The following GLIS3 variants were observed in gnomAD, a reference collection of about 807,000 sequenced individuals.
The protein encoded by GLIS3 is zinc finger protein GLIS3.
Under a neutral mutation model 78.6 loss-of-function variants are expected in GLIS3, and 53 were observed. The observed-to-expected ratio is 0.67, with a 90% confidence interval of 0.54 to 0.85. The LOEUF is 0.85. Ranked by LOEUF, GLIS3 falls within the 40% of genes least tolerant of loss-of-function variation. GLIS3 has a pLI of 0.00. For missense variants in GLIS3, 1,703 were observed against 1,231.1 expected, an observed-to-expected ratio of 1.38 and a Z score of -5.74; for synonymous variants, 684 against 509.9, an observed-to-expected ratio of 1.34 and a Z score of -4.60.
At chr9:3,937,279 T>C in intron 4 of GLIS3, 90 bp from the exon 5 acceptor site, 1 of 1,290,908 alleles carries the variant, frequency 7.7e-7, no homozygotes. Flanking sequence ...TCTTAGTTGG[T>C]ACTTTGCCGA....
chr9:4,388,915 A>T, the GLIS3 span, among the ~76,000 whole-genome samples: 1 of 152,200 alleles, frequency 6.6e-6, no homozygotes, highest in South Asian at 2.1e-4. Context: ...ACACATTTGG[A>T]AAAGCTAAGC....
the GLIS3 span, among the ~76,000 whole-genome samples, chr9:4,438,010 T>C: frequency 6.6e-6 from 1 of 152,192 alleles, no homozygotes; most frequent in Non-Finnish European, 1.5e-5. Flanking sequence ...TCAAAAGTTA[T>C]ATGTGGATTT....
At chr9:4,327,118 G>C (rs759051716) in intron 2 of GLIS3, among the ~76,000 whole-genome samples, 18 of 152,170 alleles carry the variant, frequency 1.2e-4, no homozygotes, top group Non-Finnish European at 1.9e-4. Context: ...GACAGGAGCT[G>C]AGAGAAAGAT....
intron 4 of GLIS3, among the ~76,000 whole-genome samples, chr9:4,060,374 T>G (rs1826544220): frequency 6.6e-6 from 1 of 152,194 alleles, no homozygotes; most frequent in African/African-American, 2.4e-5. Flanking sequence ...TGGTCATCCC[T>G]TTCAACTGAA....
chr9:3,843,337 C>CA (rs1162079287), intron 9 of GLIS3, among the ~76,000 whole-genome samples: 12 of 152,214 alleles, frequency 7.9e-5, no homozygotes, highest in Non-Finnish European at 1.8e-4. Flanking sequence ...ACCTCTGCTT[C>CA]ATAGCTGAGT....
chr9:4,258,842 TTTTC>T (rs1399246140), intron 2 of GLIS3, among the ~76,000 whole-genome samples: 1 of 152,216 alleles, frequency 6.6e-6, no homozygotes, highest in African/African-American at 2.4e-5. Flanking sequence ...ACTTGCATTC[TTTTC>T]TTTCTTTTCT....
At chr9:4,405,742 C>T in the GLIS3 span, among the ~76,000 whole-genome samples, 2 of 151,876 alleles carry the variant, frequency 1.3e-5, no homozygotes, top group Non-Finnish European at 2.9e-5. Flanking sequence ...TACCCTGATA[C>T]CAAAACCAGA....
chr9:4,403,092 T>C, the GLIS3 span, among the ~76,000 whole-genome samples: 13 of 152,102 alleles, frequency 8.5e-5, no homozygotes, highest in South Asian at 4.2e-4. Context: ...ACAAATAACA[T>C]GCAATGGAAG....
chr9:3,991,912 G>A (rs1406039251), intron 4 of GLIS3, among the ~76,000 whole-genome samples: 2 of 151,938 alleles, frequency 1.3e-5, no homozygotes, highest in South Asian at 2.1e-4. Context: ...GGACAGTCTT[G>A]ATCTCCTGAC....
At chr9:4,357,793 A>C in the GLIS3 span, among the ~76,000 whole-genome samples, 4 of 152,158 alleles carry the variant, frequency 2.6e-5, no homozygotes, top group Non-Finnish European at 4.4e-5. Context: ...AACTGAATAC[A>C]GGGATCAGGG....
chr9:4,396,052 G>C, the GLIS3 span, among the ~76,000 whole-genome samples: 1 of 151,296 alleles, frequency 6.6e-6, no homozygotes, highest in Non-Finnish European at 1.5e-5. Flanking sequence ...GATTACAGGA[G>C]TGAGCCACTG....
At chr9:3,897,055 A>G (rs1317956332) in intron 7 of GLIS3, among the ~76,000 whole-genome samples, 2 of 152,228 alleles carry the variant, frequency 1.3e-5, no homozygotes, top group Admixed American at 1.3e-4. Context: ...ACAGACACCA[A>G]GACAAATGTG....
intron 6 of GLIS3, among the ~76,000 whole-genome samples, chr9:3,931,901 C>T (rs999025824): frequency 1.2e-4 from 19 of 152,172 alleles, no homozygotes; most frequent in Non-Finnish European, 5.9e-5. Flanking sequence ...GTCCTAGAGA[C>T]GTACTTACCT....
At chr9:4,290,356 T>C (rs767513566) in intron 1 of GLIS3, among the ~76,000 whole-genome samples, 2 of 152,170 alleles carry the variant, frequency 1.3e-5, no homozygotes, top group Non-Finnish European at 2.9e-5. Context: ...CTTATATATC[T>C]GTCTAAGCCA....
At chr9:4,450,236 G>C in the GLIS3 span, among the ~76,000 whole-genome samples, 1 of 152,164 alleles carries the variant, frequency 6.6e-6, no homozygotes, top group Non-Finnish European at 1.5e-5. Flanking sequence ...TCAAGTGAAA[G>C]AAAGGGTATC....
intron 4 of GLIS3, among the ~76,000 whole-genome samples, chr9:4,010,883 G>T (rs1477364923): frequency 6.6e-6 from 1 of 152,172 alleles, no homozygotes; most frequent in Non-Finnish European, 1.5e-5. Context: ...CTACCGTTAG[G>T]AAAATGTTCC....
chr9:3,923,971 A>C (rs556092201), intron 6 of GLIS3, among the ~76,000 whole-genome samples: 2 of 152,256 alleles, frequency 1.3e-5, no homozygotes, highest in African/African-American at 4.8e-5. Flanking sequence ...TACATTTTGC[A>C]TATAATTTCT....
At chr9:4,176,227 G>C (rs1366457134) in intron 2 of GLIS3, among the ~76,000 whole-genome samples, 2 of 152,046 alleles carry the variant, frequency 1.3e-5, no homozygotes, top group African/African-American at 2.4e-5. Flanking sequence ...TCTTACAAAA[G>C]TAACACACAT....
At chr9:4,089,231 T>C (rs1052011782) in intron 4 of GLIS3, among the ~76,000 whole-genome samples, 3 of 152,174 alleles carry the variant, frequency 2.0e-5, no homozygotes, top group African/African-American at 7.2e-5. Flanking sequence ...ATTGTATAAA[T>C]GGAACAGTAC....
Sources: allele counts gnomAD v4.1 joint callset (sites outside exome capture counted in the v4.1 genomes callset), GRCh38; gene constraint gnomAD v4.1.1; transcripts MANE v1.5; gene names NCBI Gene and HGNC (gene_info 2026-07-23, HGNC 2026-07-21).